Variants in CCDC138 observed in about 807,000 individuals in gnomAD.
The protein encoded by CCDC138 is coiled-coil domain containing 138, also known as coiled-coil domain-containing protein 138.
CCDC138 carries 66 observed loss-of-function variants against 82.3 expected under a neutral mutation model. The observed-to-expected ratio is 0.80, with a 90% CI of 0.66 to 0.98. CCDC138 has a LOEUF of 0.98. Ranked by LOEUF, CCDC138 falls within the 50% of genes least tolerant of loss-of-function variation. CCDC138 has a pLI of 0.00. For missense variants in CCDC138, 816 were observed against 758.9 expected, an observed-to-expected ratio of 1.08 and a Z score of -0.88; for synonymous variants, 297 against 265.4, an observed-to-expected ratio of 1.12 and a Z score of -1.16.
At chr2:108,883,729 C>G (rs1696353982) in intron 2 of CCDC138, 1 of 152,280 alleles carries the variant, frequency 6.6e-6, no homozygotes, top group African/African-American at 2.4e-5. Context: ...AACAGGGCAT[C>G]TGCTTCTCCA....
At position 108,811,247 on chromosome 2, in the gene CCDC138, C is replaced by CTCTTTTTTTTTTT. The variant is rs760937756; in HGVS notation, c.856-1383_856-1382insCTTTTTTTTTTTT. On this transcript the variant is annotated intron_variant, in intron 7 of 14. Coordinates refer to ENST00000295124, the MANE Select transcript of CCDC138 (RefSeq NM_144978.3). ...CTCCCTTTTCTTTCTTTCTCTCTCT[C>CTCTTTTTTTTTTT]TTTTTTTTTTTTTTTGACTGTCTCC... Among the ~76,000 whole-genome samples, 32 of 113,866 alleles carry CTCTTTTTTTTTTT rather than the reference C, an allele frequency of 2.8e-4. 1 individual carries two copies. The highest frequency in any genetic ancestry group is 6.1e-4 in the African/African-American group (16 of 26,240). The allele number at this position is 113,866 out of a possible 152,430, so 74.7% of individuals were successfully genotyped here. A position where few individuals can be genotyped will look rare whatever the true frequency, so the allele number is the denominator to read the frequency against.
At chr2:108,826,387 C>G (rs1303935817) in intron 10 of CCDC138, among the ~76,000 whole-genome samples, 2 of 152,222 alleles carry the variant, frequency 1.3e-5, no homozygotes, top group African/African-American at 4.8e-5. Flanking sequence ...ATACCTTTAC[C>G]TCTTAACATG....
intron 13 of CCDC138, among the ~76,000 whole-genome samples, chr2:108,860,869 A>G (rs1693455278): frequency 7.0e-6 from 1 of 143,676 alleles, no homozygotes; most frequent in Admixed American, 7.1e-5. Flanking sequence ...TAGTTTCAAT[A>G]GAATTGGTAT....
intron 4 of CCDC138, 88 bp downstream of exon 4, chr2:108,791,890 C>T (rs1679972098): frequency 7.7e-7 from 1 of 1,300,108 alleles, no homozygotes; most frequent in South Asian, 1.5e-5. Flanking sequence ...TAACACTGGC[C>T]CCCAAGAGTT....
chr2:108,833,668 C>T (rs1019888967), intron 10 of CCDC138, among the ~76,000 whole-genome samples: 2 of 150,104 alleles, frequency 1.3e-5, no homozygotes, highest in East Asian at 1.9e-4. Context: ...TAATAAGAAA[C>T]GAAACAAATT....
intron 12 of CCDC138, among the ~76,000 whole-genome samples, chr2:108,849,275 G>A (rs143250200): frequency 7.7e-4 from 117 of 152,176 alleles, no homozygotes; most frequent in African/African-American, 2.6e-3. Context: ...CTATGAAGAG[G>A]GGAGACAAAA....
At position 108,786,880 on chromosome 2, in the gene CCDC138, A is replaced by T. The variant is rs1268386001; in HGVS notation, c.58A>T (p.Ser20Cys). ...GQDLVVESLKSRYGLGGSCPD... is the reference protein window; with the variant it reads ...GQDLVVESLKCRYGLGGSCPD... ...GGATTTAGTAGTGGAGAGTCTCAAA[A>T]GCCGCTACGGACTCGGGGGCAGCTG... The change falls in exon 1 of 15, where the codon AGC becomes TGC. Residue 20 changes from serine to cysteine, a missense_variant. By Grantham distance (112) the Ser-to-Cys change is moderately radical. Coordinates refer to ENST00000295124, the MANE Select transcript of CCDC138 (RefSeq NM_144978.3). 1.3e-6 allele frequency: 2 copies of T among 1,571,590 alleles called. No homozygotes were observed. Among genetic ancestry groups the T allele is most frequent in the African/African-American group, 1.4e-5 (1 of 71,608 alleles).
intron 1 of CCDC138, 162 bp from the exon 2 acceptor site, chr2:108,787,856 ATGACGTTGGTTTGT>A (rs1464022981): frequency 5.3e-6 from 1 of 189,510 alleles, no homozygotes; most frequent in Non-Finnish European, 9.8e-6. Flanking sequence ...GGGGAGGAAC[ATGACGTTGGTTTGT>A]CACATTATTG....
chr2:108,880,517 G>A (rs565244365), downstream of CCDC138, among the ~76,000 whole-genome samples: 1 of 152,252 alleles, frequency 6.6e-6, no homozygotes, highest in South Asian at 2.1e-4. Flanking sequence ...TCAAGGCCTG[G>A]CTTCAAAGCT....
chr2:108,827,368 AAAGAG>A (rs1335859496), intron 10 of CCDC138, among the ~76,000 whole-genome samples: 2 of 152,206 alleles, frequency 1.3e-5, no homozygotes, highest in Non-Finnish European at 2.9e-5. Flanking sequence ...AAAATAAATA[AAAGAG>A]AAAATGTGCA....
At chr2:108,793,555 T>G (rs952930695) in intron 4 of CCDC138, among the ~76,000 whole-genome samples, 4 of 152,090 alleles carry the variant, frequency 2.6e-5, no homozygotes, top group African/African-American at 9.7e-5. Context: ...GATCTAGCAA[T>G]TTTGCTACTA....
At chr2:108,850,158 C>T (rs928256350) in intron 12 of CCDC138, among the ~76,000 whole-genome samples, 2 of 152,088 alleles carry the variant, frequency 1.3e-5, no homozygotes, top group African/African-American at 2.4e-5. Flanking sequence ...TCTGGGAGAA[C>T]TAAACATTTA....
At chr2:108,835,667 T>G (rs150649356) in intron 10 of CCDC138, among the ~76,000 whole-genome samples, 146 of 152,324 alleles carry the variant, frequency 9.6e-4, no homozygotes, top group African/African-American at 3.3e-3. Flanking sequence ...CATAAAAAAT[T>G]TATTATCTTA....
At chr2:108,789,725 T>TG (rs996637476) in intron 3 of CCDC138, among the ~76,000 whole-genome samples, 1 of 152,192 alleles carries the variant, frequency 6.6e-6, no homozygotes, top group Non-Finnish European at 1.5e-5. Flanking sequence ...GAAGGTGGTC[T>TG]GGGGAGATGG....
chr2:108,864,272 C>T lies in CCDC138; in HGVS notation c.1693+7302C>T, dbSNP rs148769628. 2.4e-3 allele frequency among the ~76,000 whole-genome samples: 372 copies of T among 152,064 alleles called. 5 individuals carry two copies. Among genetic ancestry groups the T allele is most frequent in the African/African-American group, 8.6e-3 (357 of 41,446 alleles). On this transcript the variant is annotated intron_variant, in intron 13 of 14. Coordinates refer to ENST00000295124, the MANE Select transcript of CCDC138 (RefSeq NM_144978.3). Reference sequence around the variant, plus strand: ...TAATTAAATATCCAGATGATGAACACGCTATTTTTATTTATTTATTAAAAA... The same window carrying T: ...TAATTAAATATCCAGATGATGAACATGCTATTTTTATTTATTTATTAAAAA...
chr2:108,821,771 C>T (rs1275928814), intron 10 of CCDC138, among the ~76,000 whole-genome samples: 1 of 151,768 alleles, frequency 6.6e-6, no homozygotes, highest in Non-Finnish European at 1.5e-5. Flanking sequence ...ATGGTGAAAC[C>T]CCATCTCTAC....
intron 10 of CCDC138, among the ~76,000 whole-genome samples, chr2:108,828,844 G>A (rs1196807339): frequency 6.6e-6 from 1 of 152,058 alleles, no homozygotes; most frequent in Non-Finnish European, 1.5e-5. Flanking sequence ...CAGTCATGGT[G>A]GCAGGCACCT....
chr2:108,883,844 A>T (rs550583680), intron 2 of CCDC138: 1 of 152,268 alleles, frequency 6.6e-6, no homozygotes, highest in East Asian at 1.9e-4. Flanking sequence ...TAAATTACGC[A>T]CCTTGAGGGT....
At chr2:108,862,277 T>C (rs1282893133) in intron 13 of CCDC138, among the ~76,000 whole-genome samples, 2 of 152,158 alleles carry the variant, frequency 1.3e-5, no homozygotes, top group Non-Finnish European at 2.9e-5. Flanking sequence ...CTTACCTTAC[T>C]ATATGGGCAT....
Sources: gnomAD v4.1 joint callset for allele counts (sites outside exome capture counted in the v4.1 genomes callset) on GRCh38, gnomAD v4.1.1 for gene constraint, MANE v1.5 for transcripts, NCBI Gene and HGNC (gene_info 2026-07-23, HGNC 2026-07-21) for gene names.